CSMD1: variants seen among roughly 807,000 people sequenced by gnomAD.
CSMD1 encodes the protein CUB and sushi domain-containing protein 1.
In CSMD1, 213 loss-of-function variants were observed where a neutral mutation model predicts 417.5. The ratio of observed to expected loss-of-function variants is 0.51; its 90% CI spans 0.46 to 0.57. The LOEUF (loss-of-function observed/expected upper bound fraction) is 0.57. Ranked by LOEUF, CSMD1 falls within the 20% of genes least tolerant of loss-of-function variation. CSMD1 has a pLI of 0.00. For synonymous variants in CSMD1, 2,862 were observed against 1,736.8 expected (o/e 1.65, Z -16.11); for missense variants, 6,923 against 4,529.7 (o/e 1.53, Z -15.17).
At chr8:3,260,888 A>C (rs1438634983) in intron 26 of CSMD1, among the ~76,000 whole-genome samples, 1 of 152,190 alleles carries the variant, frequency 6.6e-6, no homozygotes, top group Admixed American at 6.5e-5. Flanking sequence ...AAATGCTTGA[A>C]AGCCACGTAT....
intron 5 of CSMD1, among the ~76,000 whole-genome samples, chr8:3,911,677 G>C (rs116505616): frequency 6.6e-6 from 1 of 151,908 alleles, no homozygotes; most frequent in Non-Finnish European, 1.5e-5. Flanking sequence ...ATTGCTTGTC[G>C]GAGCTGCCAT....
At chr8:4,491,947 G>T (rs1365774044) in intron 2 of CSMD1, among the ~76,000 whole-genome samples, 1 of 151,390 alleles carries the variant, frequency 6.6e-6, no homozygotes, top group African/African-American at 2.4e-5. Context: ...ATTCATAATT[G>T]CCAAAAATTG....
intron 2 of CSMD1, among the ~76,000 whole-genome samples, chr8:4,435,194 C>T (rs924204990): frequency 6.6e-6 from 1 of 152,040 alleles, no homozygotes; most frequent in Non-Finnish European, 1.5e-5. Context: ...TAAATTGATA[C>T]ACAAGTACAT....
At chr8:4,021,426 A>G (rs1796783119) in intron 4 of CSMD1, among the ~76,000 whole-genome samples, 1 of 152,118 alleles carries the variant, frequency 6.6e-6, no homozygotes. Context: ...TGTTGAGTGG[A>G]CAGCACTGCT....
chr8:3,827,849 T>A (rs906344886), intron 5 of CSMD1, among the ~76,000 whole-genome samples: 9 of 152,188 alleles, frequency 5.9e-5, no homozygotes, highest in African/African-American at 2.2e-4. Flanking sequence ...TCACAGTGCA[T>A]GTCACAGAAG....
intron 3 of CSMD1, among the ~76,000 whole-genome samples, chr8:4,197,979 A>T (rs978349220): frequency 1.3e-5 from 2 of 152,238 alleles, no homozygotes; most frequent in Non-Finnish European, 2.9e-5. Flanking sequence ...CTGGGAATAA[A>T]GTAATGAATA....
chr8:3,794,467 T>C (rs1799929710), intron 5 of CSMD1, among the ~76,000 whole-genome samples: 1 of 152,166 alleles, frequency 6.6e-6, no homozygotes, highest in African/African-American at 2.4e-5. Flanking sequence ...ACCAATTAAA[T>C]CAACAAATAG....
At chr8:4,116,489 G>A (rs530250847) in intron 3 of CSMD1, among the ~76,000 whole-genome samples, 1 of 132,380 alleles carries the variant, frequency 7.6e-6, no homozygotes, top group East Asian at 2.2e-4. Flanking sequence ...GAACCCTAAC[G>A]TAAGCTGTAC....
chr8:4,836,210 T>G (rs1044111725), intron 1 of CSMD1, among the ~76,000 whole-genome samples: 2 of 152,252 alleles, frequency 1.3e-5, no homozygotes, highest in Admixed American at 6.5e-5. Flanking sequence ...TTCATCTACC[T>G]TGAGGTATTA....
chr8:3,501,646 T>A (rs10101356), intron 10 of CSMD1, among the ~76,000 whole-genome samples: 2,773 of 152,280 alleles, frequency 0.018, 29 homozygotes, highest in Middle Eastern at 0.068. Context: ...TCATTCCACT[T>A]CAAATTATGT....
intron 6 of CSMD1, among the ~76,000 whole-genome samples, chr8:3,717,850 A>G (rs28544061): frequency 0.029 from 4,408 of 152,218 alleles, 222 homozygotes; most frequent in African/African-American, 0.1. Context: ...ACTTACTACA[A>G]TTGTACATTA....
At chr8:4,067,894 T>C (rs892749255) in intron 3 of CSMD1, among the ~76,000 whole-genome samples, 1 of 151,954 alleles carries the variant, frequency 6.6e-6, no homozygotes, top group Non-Finnish European at 1.5e-5. Context: ...CTGGCCAACA[T>C]GATGAAACCC....
At chr8:4,743,045 T>A (rs1810725410) in intron 1 of CSMD1, among the ~76,000 whole-genome samples, 1 of 152,224 alleles carries the variant, frequency 6.6e-6, no homozygotes, top group Admixed American at 6.5e-5. Flanking sequence ...AGTGTTTTTG[T>A]TTGTATTTTA....
At chr8:3,771,417 T>C (rs1015180414) in intron 5 of CSMD1, among the ~76,000 whole-genome samples, 13 of 152,190 alleles carry the variant, frequency 8.5e-5, no homozygotes, top group Non-Finnish European at 1.9e-4. Flanking sequence ...TTCAAAATGC[T>C]TTTTGCAGAT....
intron 8 of CSMD1, among the ~76,000 whole-genome samples, chr8:3,606,160 G>A (rs765360823): frequency 1.3e-4 from 20 of 152,200 alleles, no homozygotes; most frequent in Non-Finnish European, 2.5e-4. Context: ...GCAGAGAGAA[G>A]CCAACCGTGT....
intron 4 of CSMD1, among the ~76,000 whole-genome samples, chr8:4,008,906 A>T (rs545282268): frequency 6.6e-6 from 1 of 152,194 alleles, no homozygotes; most frequent in East Asian, 1.9e-4. Context: ...CACCGCGCCC[A>T]GTCTGATTCA....
chr8:3,647,988 C>T (rs938314596), intron 7 of CSMD1, among the ~76,000 whole-genome samples: 8 of 152,170 alleles, frequency 5.3e-5, no homozygotes, highest in African/African-American at 1.4e-4. Flanking sequence ...CAGGATTTTT[C>T]GAGGAGGCAG....
intron 8 of CSMD1, among the ~76,000 whole-genome samples, chr8:3,597,657 TA>T (rs1373469330): frequency 2.6e-5 from 4 of 152,086 alleles, no homozygotes; most frequent in African/African-American, 9.7e-5. Context: ...TATGCAGCCA[TA>T]AAAAATGATG....
At chr8:3,661,859 G>A (rs979972390) in intron 7 of CSMD1, among the ~76,000 whole-genome samples, 2 of 152,070 alleles carry the variant, frequency 1.3e-5, no homozygotes, top group African/African-American at 2.4e-5. Context: ...CCTTTAGATC[G>A]GTGTTGAAGG....
Sources: allele counts gnomAD v4.1 joint callset (sites outside exome capture counted in the v4.1 genomes callset), GRCh38; gene constraint gnomAD v4.1.1; transcripts MANE v1.5; gene names NCBI Gene and HGNC (gene_info 2026-07-23, HGNC 2026-07-21).